DNAH12: variants seen among roughly 807,000 people sequenced by gnomAD.
DNAH12 encodes the protein dynein axonemal heavy chain 12, also known as axonemal beta dynein heavy chain 12.
DNAH12 carries 285 observed loss-of-function variants against 371.5 expected under a neutral mutation model. That is an observed-to-expected ratio of 0.77 (90% CI 0.70 to 0.85). DNAH12 has a LOEUF of 0.85. DNAH12 is among the 40% of genes least tolerant of loss of function. The pLI, the probability that DNAH12 is intolerant of heterozygous loss-of-function variation, is 0.00. For missense variants in DNAH12, 3,611 were observed against 3,689.4 expected, an observed-to-expected ratio of 0.98 and a Z score of 0.55; for synonymous variants, 1,200 against 1,213.0, an observed-to-expected ratio of 0.99 and a Z score of 0.22.
At chr3:57,461,410 T>A in intron 19 of DNAH12, 79 bp downstream of exon 19, 1 of 1,359,584 alleles carries the variant, frequency 7.4e-7, no homozygotes, top group African/African-American at 1.4e-5. Context: ...AATAAGCTAC[T>A]TATTACCATG....
intron 57 of DNAH12, among the ~76,000 whole-genome samples, chr3:57,364,867 C>T (rs902508314): frequency 5.6e-4 from 85 of 152,316 alleles, no homozygotes; most frequent in Non-Finnish European, 1.0e-3. Context: ...TGAAAACAAG[C>T]TCAACATCAC....
intron 4 of DNAH12, 58 bp from the exon 5 acceptor site, chr3:57,511,037 C>T: frequency 8.0e-7 from 1 of 1,250,604 alleles, no homozygotes; most frequent in South Asian, 1.7e-5. Context: ...CAGTGTAACT[C>T]CTGAACTCTC....
chr3:57,522,022 G>C (rs1475803072), intron 4 of DNAH12, among the ~76,000 whole-genome samples: 1 of 148,832 alleles, frequency 6.7e-6, no homozygotes, highest in Non-Finnish European at 1.5e-5. Context: ...TCAGGAGCTC[G>C]AGGCCAGCCT....
At chr3:57,365,844 A>C (rs2063038940) in intron 57 of DNAH12, among the ~76,000 whole-genome samples, 1 of 125,846 alleles carries the variant, frequency 7.9e-6, no homozygotes, top group East Asian at 2.2e-4. Flanking sequence ...TCTTATTAAT[A>C]TCTTGTGTGT....
At chr3:57,465,103 C>T (rs149565956) in intron 17 of DNAH12, among the ~76,000 whole-genome samples, 19 of 152,260 alleles carry the variant, frequency 1.2e-4, no homozygotes, top group Middle Eastern at 6.8e-3. Flanking sequence ...CTCTCTAACG[C>T]GAGATTGGCC....
At chr3:57,355,150 T>C (rs2062768948) in intron 59 of DNAH12, among the ~76,000 whole-genome samples, 2 of 152,208 alleles carry the variant, frequency 1.3e-5, no homozygotes, top group Non-Finnish European at 2.9e-5. Context: ...ATGAGATCTT[T>C]ATTATTTCTC....
rs1368201711 is a variant in DNAH12, at chr3:57,444,708, C to T, written c.4534G>A (p.Ala1512Thr). 17 of 1,550,022 alleles carry T rather than the reference C, an allele frequency of 1.1e-5. No homozygotes were observed. Among genetic ancestry groups the T allele is most frequent in the Admixed American group, 2.0e-5 (1 of 50,766 alleles). Residue 1512 changes from alanine to threonine, a missense_variant, in exon 29 of 74, where the codon GCT becomes ACT. Coordinates refer to ENST00000495027, the MANE Select transcript of DNAH12 (RefSeq NM_001366028.2). ...DLFPGIKLPE[A>T]DYHEFLECAH... The stretch of plus-strand genomic sequence containing the variant: ...ATGGGTTTACTTACGTGATAGTCAG[C>T]TTCAGGAAGTTTAATACCAGGAAAT...
In DNAH12 at chr3:57,445,990, A is replaced by C. The variant is rs548719423; in HGVS notation, c.4179+41T>G. ...GCAATAGAGTAAGACTGTTTCAAAAACATAAAATAAATAAATAAATAAATA... is the reference window on the plus strand; with the variant it reads ...GCAATAGAGTAAGACTGTTTCAAAACCATAAAATAAATAAATAAATAAATA... On this transcript the variant is annotated intron_variant, in intron 27 of 73. Transcript: ENST00000495027. 24 of 1,431,318 alleles carry C rather than the reference A, an allele frequency of 1.7e-5. 1 individual carries two copies. In the South Asian group the frequency reaches 3.0e-4, roughly 18 times the overall value. 88.7% of individuals were successfully genotyped at this position (1,431,318 alleles called of 1,614,324 possible). A position where few individuals can be genotyped will look rare whatever the true frequency, so the allele number is the denominator to read the frequency against.
At chr3:57,393,032 C>T (rs946495968) in intron 44 of DNAH12, among the ~76,000 whole-genome samples, 7 of 152,124 alleles carry the variant, frequency 4.6e-5, no homozygotes, top group Non-Finnish European at 7.4e-5. Flanking sequence ...TATCCCTTCA[C>T]GCTCCATACC....
chr3:57,334,784 G>A lies in DNAH12; in HGVS notation c.9831C>T (p.Leu3277=), dbSNP rs763098570. 17 of 1,547,464 alleles carry A rather than the reference G, an allele frequency of 1.1e-5. No individual in the cohort carries two copies. The Admixed American group carries it at 2.2e-4, about 20-fold the overall frequency. Residue 3277 remains leucine (L), a splice_region_variant and synonymous_variant, in exon 61 of 74, where the codon CTC becomes CTT. Coordinates refer to ENST00000495027, the MANE Select transcript of DNAH12 (RefSeq NM_001366028.2). The part of the protein sequence containing the change: ...RASEFPAFRG[L]RQHFCEHIYE... ...AATCATCGAATTTAAACAATCACCT[G>A]AGTCCTCTGAAGGCAGGAAATTCAC... is the stretch of plus-strand genomic sequence containing the variant.
intron 50 of DNAH12, among the ~76,000 whole-genome samples, chr3:57,380,609 C>A (rs1277217230): frequency 6.6e-6 from 1 of 152,122 alleles, no homozygotes; most frequent in Non-Finnish European, 1.5e-5. Context: ...AGACTACAGG[C>A]TTCTGTCACC....
At chr3:57,301,349 G>A (rs2061342857) in intron 70 of DNAH12, among the ~76,000 whole-genome samples, 1 of 125,888 alleles carries the variant, frequency 7.9e-6, no homozygotes, top group Non-Finnish European at 1.6e-5. Flanking sequence ...AAAATCACAA[G>A]ACAACTTTAA....
At chr3:57,471,167 C>T (rs550749602) in intron 15 of DNAH12, among the ~76,000 whole-genome samples, 1 of 152,026 alleles carries the variant, frequency 6.6e-6, no homozygotes, top group South Asian at 2.1e-4. Context: ...GCCTGGGCAA[C>T]ATGGCAAAAC....
chr3:57,381,597 C>T (rs1453793675), intron 50 of DNAH12, among the ~76,000 whole-genome samples: 1 of 151,896 alleles, frequency 6.6e-6, no homozygotes, highest in Non-Finnish European at 1.5e-5. Flanking sequence ...CTATGAGTAC[C>T]ATCTTTTTTT....
Position 57,293,855 on chromosome 3 carries a change from A to C in DNAH12, c.11809T>G (p.Leu3937Val), listed in dbSNP as rs757078483. 3.9e-6 allele frequency: 6 copies of C among 1,550,954 alleles called. No individual in the cohort carries two copies. The highest frequency in any genetic ancestry group is 3.3e-4 in the Middle Eastern group (2 of 5,990). ...CGAGTAGGTTGGTCTGTTTTTAACAACATTGCAATGACAAAGTTAGTAGAA... is the reference window on the plus strand; with the variant it reads ...CGAGTAGGTTGGTCTGTTTTTAACACCATTGCAATGACAAAGTTAGTAGAA... ...GHSTNFVIAMLLKTDQPTRHW... is the reference protein window; with the variant it reads ...GHSTNFVIAMVLKTDQPTRHW... The change falls in exon 74 of 74, where the codon TTG becomes GTG. Residue 3937 changes from leucine (L) to valine (V), a missense_variant. Physicochemically the swap from Leu to Val is conservative, Grantham distance 32 (BLOSUM62 1). Around this residue, in one of 3 missense-constraint regions of DNAH12, gnomAD observed 2,266 missense variants for 2,236.9 expected, o/e 1.01. Transcript: ENST00000495027.
At chr3:57,442,486 T>C (rs2065339588) in intron 29 of DNAH12, among the ~76,000 whole-genome samples, 3 of 152,232 alleles carry the variant, frequency 2.0e-5, no homozygotes, top group South Asian at 2.1e-4. Flanking sequence ...GCCAAGGATA[T>C]ATACTGCAAC....
Position 57,419,395 on chromosome 3 carries a change from G to A in DNAH12, c.5686C>T (p.Leu1896=). 6.6e-7 allele frequency: 1 copy of A among 1,505,210 alleles called. No homozygotes were observed. Among genetic ancestry groups the A allele is most frequent in the Non-Finnish European group, 8.8e-7 (1 of 1,132,760 alleles). The allele number at this position is 1,505,210 out of a possible 1,614,324, so 93.2% of individuals were successfully genotyped here. A position where few individuals can be genotyped will look rare whatever the true frequency, so the allele number is the denominator to read the frequency against. Residue 1896 remains leucine (L), a synonymous_variant, in exon 37 of 74, where the codon CTA becomes TTA. Coordinates refer to ENST00000495027, the MANE Select transcript of DNAH12 (RefSeq NM_001366028.2). ...PTMDTIRYTF[L]MDLSITYAKP... ...GCATAGGTAATACTCAAATCCATTA[G>A]AAACGTATATCTAATTGTGTCCATC...
intron 35 of DNAH12, 51 bp downstream of exon 35, chr3:57,424,971 C>A (rs572105397): frequency 1.0e-5 from 7 of 677,598 alleles, no homozygotes; most frequent in South Asian, 1.6e-5. Context: ...CATCATGTAC[C>A]AGAAGCATAA....
At chr3:57,445,646 A>G (rs2065463953) in intron 27 of DNAH12, among the ~76,000 whole-genome samples, 1 of 152,048 alleles carries the variant, frequency 6.6e-6, no homozygotes, top group African/African-American at 2.4e-5. Context: ...ATGGAAAAAA[A>G]TCATTTTGAA....
Sources: allele counts gnomAD v4.1 joint callset (sites outside exome capture counted in the v4.1 genomes callset), GRCh38; gene constraint gnomAD v4.1.1; regional missense constraint gnomAD v4.1.1; transcripts MANE v1.5; gene names NCBI Gene and HGNC (gene_info 2026-07-23, HGNC 2026-07-21).